The following KCNT1 variants were observed in gnomAD, a reference collection of about 807,000 sequenced individuals.
KCNT1 encodes potassium sodium-activated channel subfamily T member 1, also known as potassium channel subfamily T member 1.
KCNT1 carries 78 observed loss-of-function variants against 147.8 expected under a neutral mutation model. The observed-to-expected ratio is 0.53, with a 90% confidence interval of 0.44 to 0.64. The LOEUF (loss-of-function observed/expected upper bound fraction) is 0.64, where lower values mean the gene tolerates loss of function less well. KCNT1 is among the 30% of genes least tolerant of loss of function. KCNT1 has a pLI of 0.00. For missense variants in KCNT1, 1,419 were observed against 1,750.3 expected (o/e 0.81, Z 3.38); for synonymous variants, 867 against 748.8 (o/e 1.16, Z -2.58).
In KCNT1 at chr9:135,768,955, G is replaced by A. The variant is rs777187789; in HGVS notation, c.1510+18G>A. The A allele has an allele frequency of 2.2e-5, 35 of 1,578,204 alleles. 1 individual carries two copies. The highest frequency in any genetic ancestry group is 2.0e-4 in the South Asian group (18 of 88,704). On this transcript the variant is annotated intron_variant, in intron 15 of 30. Coordinates refer to ENST00000371757, the MANE Select transcript of KCNT1 (RefSeq NM_020822.3). Reference sequence around the variant, plus strand: ...GTTTGCTGGTGCGTCTGGGGCACACGTGGGTGATGGTGTATCTGGGGCAGG... The same window carrying A: ...GTTTGCTGGTGCGTCTGGGGCACACATGGGTGATGGTGTATCTGGGGCAGG...
chr9:135,757,516 C>T, intron 9 of KCNT1, 135 bp downstream of exon 9: 1 of 739,292 alleles, frequency 1.4e-6, no homozygotes. Context: ...GAAGCCAGGG[C>T]AGCAGAAACT....
Position 135,750,060 on chromosome 9 carries a change from C to T in KCNT1, c.255-38C>T, listed in dbSNP as rs763250731. Reference sequence around the variant, plus strand: ...GGCGTGTCCCCAGCCTGAGTCCCCACTGGCCCTGAGCCTCCATGCCCCTCT... The same window carrying T: ...GGCGTGTCCCCAGCCTGAGTCCCCATTGGCCCTGAGCCTCCATGCCCCTCT... On this transcript the variant is annotated intron_variant, in intron 2 of 30. Coordinates refer to ENST00000371757, the MANE Select transcript of KCNT1 (RefSeq NM_020822.3). 8.3e-6 allele frequency: 13 copies of T among 1,559,126 alleles called. No homozygotes were observed. In the South Asian group the frequency reaches 1.3e-4, roughly 16 times the overall value.
intron 11 of KCNT1, 74 bp downstream of exon 11, chr9:135,759,933 A>G: frequency 7.1e-7 from 1 of 1,415,170 alleles, no homozygotes; most frequent in South Asian, 1.4e-5. Flanking sequence ...GGAGGGTGCC[A>G]CTGAGGCTGT....
chr9:135,717,418 C>T (rs1835764262), intron 2 of KCNT1, among the ~76,000 whole-genome samples: 1 of 152,112 alleles, frequency 6.6e-6, no homozygotes, highest in Admixed American at 6.5e-5. Context: ...AGATGGTGGC[C>T]TTGGGCACCC....
chr9:135,788,814 C>T (rs1054909959), intron 29 of KCNT1, among the ~76,000 whole-genome samples: 6 of 152,204 alleles, frequency 3.9e-5, no homozygotes, highest in Non-Finnish European at 7.3e-5. Context: ...TGCTGTGCCC[C>T]GTCAGTGCTC....
At chr9:135,712,882 G>A (rs1010542204) in intron 1 of KCNT1, among the ~76,000 whole-genome samples, 2 of 152,246 alleles carry the variant, frequency 1.3e-5, no homozygotes, top group Non-Finnish European at 1.5e-5. Flanking sequence ...AGCTTCCCAA[G>A]GGAAGAAGGG....
intron 2 of KCNT1, among the ~76,000 whole-genome samples, chr9:135,732,075 G>A (rs1426100968): frequency 3.5e-5 from 5 of 143,878 alleles, no homozygotes; most frequent in East Asian, 2.1e-4. Flanking sequence ...CTGGAGTGCA[G>A]TGGCATGATA....
intron 2 of KCNT1, among the ~76,000 whole-genome samples, chr9:135,721,737 C>T (rs530595708): frequency 3.3e-5 from 5 of 152,338 alleles, no homozygotes; most frequent in Admixed American, 2.6e-4. Context: ...AAATGCATGT[C>T]ATGATTTCTC....
At chr9:135,739,806 G>T (rs1436288079) in intron 2 of KCNT1, among the ~76,000 whole-genome samples, 4 of 152,190 alleles carry the variant, frequency 2.6e-5, no homozygotes, top group African/African-American at 9.7e-5. Context: ...CACCTGTTTG[G>T]GCGGCTGGTT....
chr9:135,750,642 C>G (rs1252102625), intron 3 of KCNT1: 5 of 515,002 alleles, frequency 9.7e-6, no homozygotes, highest in Admixed American at 6.6e-5. Flanking sequence ...GCTCCACATT[C>G]ACCTGCCTGC....
rs570258758 is a variant in KCNT1 at position 135,721,971 on chromosome 9, G to A, written c.254+7251G>A. Among the ~76,000 whole-genome samples, 4 of 152,274 alleles carry A rather than the reference G, an allele frequency of 2.6e-5. No homozygotes were observed. In the East Asian group the frequency reaches 5.8e-4, roughly 22 times the overall value. On this transcript the variant is annotated intron_variant, in intron 2 of 30. Transcript: ENST00000371757. ...TCCTCCTAGCCCTGTCCCTCCCTCCGACGGTGGGTTCCAGGGGCTTGCGTT... is the reference window on the plus strand; with the variant it reads ...TCCTCCTAGCCCTGTCCCTCCCTCCAACGGTGGGTTCCAGGGGCTTGCGTT...
intron 19 of KCNT1, 75 bp downstream of exon 19, chr9:135,773,024 A>G (rs1832868388): frequency 1.0e-5 from 11 of 1,050,740 alleles, no homozygotes; most frequent in African/African-American, 1.7e-5. Context: ...GTGTCGGAGC[A>G]TCCTTGGTGG....
intron 2 of KCNT1, among the ~76,000 whole-genome samples, chr9:135,744,972 C>G (rs562656927): frequency 6.6e-6 from 1 of 152,304 alleles, no homozygotes; most frequent in South Asian, 2.1e-4. Flanking sequence ...GAGACGGGCC[C>G]GGCCCCCTGT....
At chr9:135,777,708 ACACCCACTCCTG>A (rs1833271590) in intron 21 of KCNT1, among the ~76,000 whole-genome samples, 198 bp downstream of exon 21, 1 of 142,032 alleles carries the variant, frequency 7.0e-6, no homozygotes. Flanking sequence ...GCTCCTCCCC[ACACCCACTCCTG>A]CTCCCAGCTC....
intron 30 of KCNT1, 58 bp from the exon 31 acceptor site, chr9:135,791,983 G>A (rs1834572189): frequency 4.4e-6 from 7 of 1,605,898 alleles, no homozygotes; most frequent in Non-Finnish European, 5.1e-6. Flanking sequence ...TCAGCAGAGG[G>A]CTGAGCAGGG....
chr9:135,710,195 T>C (rs947916194), intron 1 of KCNT1, among the ~76,000 whole-genome samples: 8 of 152,216 alleles, frequency 5.3e-5, no homozygotes, highest in African/African-American at 1.9e-4. Flanking sequence ...GTTTCGTGTA[T>C]TAAATAAAAG....
intron 2 of KCNT1, among the ~76,000 whole-genome samples, chr9:135,731,987 TATATAGAGAG>T (rs1282707141): frequency 7.8e-4 from 17 of 21,838 alleles, no homozygotes; most frequent in African/African-American, 2.1e-3. Context: ...TATATATATA[TATATAGAGAG>T]AGAGAGAGAG....
At chr9:135,721,585 G>C (rs934884647) in intron 2 of KCNT1, among the ~76,000 whole-genome samples, 8 of 152,320 alleles carry the variant, frequency 5.3e-5, no homozygotes, top group African/African-American at 1.9e-4. Flanking sequence ...CCTCGGGGCC[G>C]CCTGTCTGTC....
At chr9:135,732,020 A>AGAGAGAGAGAGG (rs1836490673) in intron 2 of KCNT1, among the ~76,000 whole-genome samples, 3 of 126,314 alleles carry the variant, frequency 2.4e-5, no homozygotes, top group African/African-American at 6.1e-5. Context: ...AGAGAGAGAG[A>AGAGAGAGAGAGG]GAGAGAGAGA....
Sources: gnomAD v4.1 joint callset for allele counts (sites outside exome capture counted in the v4.1 genomes callset) on GRCh38, gnomAD v4.1.1 for gene constraint, MANE v1.5 for transcripts, NCBI Gene and HGNC (gene_info 2026-07-23, HGNC 2026-07-21) for gene names.